MILR1: variants seen among roughly 807,000 people sequenced by gnomAD.
MILR1 encodes mast cell immunoglobulin like receptor 1.
Under a neutral mutation model 18.5 loss-of-function variants are expected in MILR1, and 31 were observed. That is an observed-to-expected ratio of 1.68 (90% CI 1.26 to 2.26). MILR1 has a LOEUF of 2.26. Ranked by LOEUF, MILR1 falls within the 30% of genes most tolerant of loss-of-function variation. The pLI is 0.00. For synonymous variants in MILR1, 85 were observed against 56.2 expected (o/e 1.51, Z -2.30); for missense variants, 257 against 157.4 (o/e 1.63, Z -3.38).
the MILR1 span, chr17:64,497,077 T>A: frequency 1.7e-6 from 2 of 1,160,402 alleles, no homozygotes; most frequent in Non-Finnish European, 2.5e-6. Context: ...GCAACGGAGG[T>A]GAGCGTGCTT....
the MILR1 span, chr17:64,491,378 T>G: frequency 1.8e-6 from 1 of 567,400 alleles, no homozygotes. Flanking sequence ...GGGGATCACT[T>G]GAGCTTAGGA....
the MILR1 span, among the ~76,000 whole-genome samples, chr17:64,495,866 G>C: frequency 6.6e-6 from 1 of 151,972 alleles, no homozygotes; most frequent in Non-Finnish European, 1.5e-5. Context: ...TCGCCGTCAC[G>C]GCCGGCTAAT....
chr17:64,481,885 A>G, the MILR1 span, among the ~76,000 whole-genome samples: 12 of 151,724 alleles, frequency 7.9e-5, no homozygotes, highest in East Asian at 2.3e-3. Context: ...AAAATAAATA[A>G]ATAAATAAAT....
Position 64,466,608 on chromosome 17 carries a change from C to T in MILR1, c.925C>T (p.Gln309Ter). Residue 309 changes from glutamine to a stop codon, truncating the protein, a stop_gained, in exon 8 of 10, where the codon CAG becomes TAG. Coordinates refer to ENST00000619286, the MANE Select transcript of MILR1 (RefSeq NM_001085423.2). LOFTEE classifies it high-confidence loss of function. ...CTTTTGCCCAGAGGCCAAACACTCCCAGGAGCTACAGTATGCCACCCCCGT... is the reference window on the plus strand; with the variant it reads ...CTTTTGCCCAGAGGCCAAACACTCCTAGGAGCTACAGTATGCCACCCCCGT... The part of the protein sequence containing the change: ...STAQDEAKHS[Q>*]ELQYATPVFQ... The T allele has an allele frequency of 6.2e-7, 1 of 1,611,284 alleles. No homozygotes were observed. Among genetic ancestry groups the T allele is most frequent in the Non-Finnish European group, 8.5e-7 (1 of 1,178,730 alleles).
At chr17:64,489,077 G>A in the MILR1 span, among the ~76,000 whole-genome samples, 1 of 145,810 alleles carries the variant, frequency 6.9e-6, no homozygotes, top group African/African-American at 2.5e-5. Context: ...ACAGGCTGGA[G>A]TGCAGCAGCA....
chr17:64,492,398 A>G, the MILR1 span, among the ~76,000 whole-genome samples: 2 of 152,230 alleles, frequency 1.3e-5, no homozygotes, highest in African/African-American at 4.8e-5. Context: ...CAAACTCTAC[A>G]TCAGCCAGGA....
intron 8 of MILR1, 53 bp from the exon 9 acceptor site, chr17:64,467,512 C>T: frequency 8.7e-7 from 1 of 1,144,356 alleles, no homozygotes; most frequent in Admixed American, 2.5e-5. Context: ...TTTTTAAAAA[C>T]AGCCTTGCTG....
At chr17:64,496,422 C>G in the MILR1 span, 1 of 1,580,554 alleles carries the variant, frequency 6.3e-7, no homozygotes, top group South Asian at 1.1e-5. Flanking sequence ...AGAAGGTTCT[C>G]CCGTAGTTTC....
chr17:64,492,625 T>C, the MILR1 span: 1 of 1,148,316 alleles, frequency 8.7e-7, no homozygotes, highest in Non-Finnish European at 1.3e-6. Context: ...ATTAAGACAA[T>C]TTATGTATTA....
chr17:64,496,725 T>C, the MILR1 span: 2 of 1,614,060 alleles, frequency 1.2e-6, no homozygotes, highest in East Asian at 2.2e-5. Context: ...TGCTGCTTGC[T>C]TCCACTTAGG....
intron 5 of MILR1, among the ~76,000 whole-genome samples, chr17:64,464,901 G>A (rs552959504): frequency 6.6e-6 from 1 of 152,008 alleles, no homozygotes; most frequent in East Asian, 1.9e-4. Flanking sequence ...TCCAGCCTGG[G>A]CAACAGAGCA....
At chr17:64,469,246 C>A (rs1032990820), downstream of MILR1, among the ~76,000 whole-genome samples, 2 of 152,174 alleles carry the variant, frequency 1.3e-5, no homozygotes, top group Non-Finnish European at 1.5e-5. Flanking sequence ...TACAACTACC[C>A]TATTTCCCTC....
downstream of MILR1, among the ~76,000 whole-genome samples, chr17:64,469,253 C>T (rs1455493435): frequency 6.6e-6 from 1 of 152,138 alleles, no homozygotes; most frequent in East Asian, 1.9e-4. Flanking sequence ...ACCCTATTTC[C>T]CTCAGAATGT....
chr17:64,495,777 C>T, the MILR1 span, among the ~76,000 whole-genome samples: 2 of 151,932 alleles, frequency 1.3e-5, no homozygotes, highest in Non-Finnish European at 2.9e-5. Context: ...GGCGTGATCT[C>T]GGCTCACTGC....
chr17:64,462,174 TTC>T (rs1194800790), intron 5 of MILR1, among the ~76,000 whole-genome samples: 1 of 151,878 alleles, frequency 6.6e-6, no homozygotes, highest in Admixed American at 6.6e-5. Context: ...GTTCCTTTTT[TTC>T]TCTCTCTCTC....
intron 5 of MILR1, among the ~76,000 whole-genome samples, chr17:64,464,717 G>C (rs2037510318): frequency 6.6e-6 from 1 of 152,192 alleles, no homozygotes; most frequent in Non-Finnish European, 1.5e-5. Flanking sequence ...GAAGTCTGGA[G>C]TTTGAGACCA....
chr17:64,452,956 T>C lies in MILR1; in HGVS notation c.367+90T>C, dbSNP rs2144009339. On this transcript the variant is annotated intron_variant, in intron 3 of 9. Transcript: ENST00000619286. ...GGCTCTCCATGATCCTTGTGAACAC[T>C]TAAGAACCTGGAAAGTATGTTACTG... The C allele has an allele frequency of 6.9e-6, 3 of 436,368 alleles. No homozygotes were observed. The East Asian group carries it at 1.0e-4, about 14-fold the overall frequency. 27.0% of individuals were successfully genotyped at this position (436,368 alleles called of 1,614,324 possible). A position where few individuals can be genotyped will look rare whatever the true frequency, so the allele number is the denominator to read the frequency against.
At chr17:64,483,721 C>CT in the MILR1 span, among the ~76,000 whole-genome samples, 2,313 of 137,230 alleles carry the variant, frequency 0.017, 25 homozygotes, top group Non-Finnish European at 0.023. Flanking sequence ...ATGAAATTTG[C>CT]TTTTTTTTTT....
the MILR1 span, among the ~76,000 whole-genome samples, chr17:64,489,956 C>T: frequency 6.0e-5 from 9 of 151,126 alleles, no homozygotes; most frequent in Middle Eastern, 3.2e-3. Flanking sequence ...GACAGAGTCT[C>T]GTTCTGTCGC....
Sources: gnomAD v4.1 joint callset for allele counts (sites outside exome capture counted in the v4.1 genomes callset) on GRCh38, gnomAD v4.1.1 for gene constraint, MANE v1.5 for transcripts, NCBI Gene and HGNC (gene_info 2026-07-23, HGNC 2026-07-21) for gene names.